The following OLFM1 variants were observed in gnomAD, a reference collection of about 807,000 sequenced individuals.
The protein encoded by OLFM1 is noelin.
In OLFM1, 9 loss-of-function variants were observed where a neutral mutation model predicts 49.7. That is an observed-to-expected ratio of 0.18 (90% confidence interval 0.11 to 0.32). The LOEUF (loss-of-function observed/expected upper bound fraction) is 0.32. OLFM1 is among the 10% of genes least tolerant of loss of function. The pLI is 1.00. For missense variants in OLFM1, 369 were observed against 661.8 expected, an observed-to-expected ratio of 0.56 and a Z score of 4.85; for synonymous variants, 240 against 271.8, an observed-to-expected ratio of 0.88 and a Z score of 1.15.
At chr9:135,094,132 C>T (rs73664050) in intron 2 of OLFM1, among the ~76,000 whole-genome samples, 1,599 of 152,062 alleles carry the variant, frequency 0.011, 27 homozygotes, top group African/African-American at 0.034. Flanking sequence ...TCTGGACTGG[C>T]GCCGCCATTT....
At chr9:135,102,572 A>T (rs1245351400) in intron 4 of OLFM1, among the ~76,000 whole-genome samples, 1 of 152,166 alleles carries the variant, frequency 6.6e-6, no homozygotes, top group Non-Finnish European at 1.5e-5. Context: ...CATGCGAGGA[A>T]GAGGGTCTGC....
chr9:135,119,697 A>C lies in OLFM1; in HGVS notation c.977A>C (p.Lys326Thr). ...QSHIIIRFDL[K>T]TETILKTRSL... ...CACATCATCATCAGGTTTGACCTGAAGACAGAGACCATCCTCAAGACCCGC... is the reference window on the plus strand; with the variant it reads ...CACATCATCATCAGGTTTGACCTGACGACAGAGACCATCCTCAAGACCCGC... Residue 326 changes from lysine to threonine, a missense_variant, in exon 6 of 6, where the codon AAG becomes ACG. By Grantham distance (78) the Lys-to-Thr change is moderately conservative. Around this residue, in one of 3 missense-constraint regions of OLFM1, gnomAD observed 294 missense variants for 567.5 expected, o/e 0.52. Transcript: ENST00000371793. 6.2e-7 allele frequency: 1 copy of C among 1,614,136 alleles called. No individual in the cohort carries two copies.
At position 135,106,756 on chromosome 9, in the gene OLFM1, G is replaced by T; in HGVS notation, c.684G>T (p.Gly228=). Residue 228 remains glycine, a synonymous_variant, in exon 5 of 6, where the codon GGG becomes GGT. Coordinates refer to ENST00000371793, the MANE Select transcript of OLFM1 (RefSeq NM_001282611.2). The stretch of plus-strand genomic sequence containing the variant: ...CTGCGTGCTCTTTTCCAGCTTGCGG[G>T]AAGTTGACGGGCATCAGTGACCCCG... ...LRACMQKLAC[G]KLTGISDPVT... 1 of 1,613,466 alleles carries T rather than the reference G, an allele frequency of 6.2e-7. No individual in the cohort carries two copies.
chr9:135,091,707 T>A (rs28528969), intron 2 of OLFM1, among the ~76,000 whole-genome samples: 34 of 3,050 alleles, frequency 0.011, no homozygotes, highest in East Asian at 0.02. Flanking sequence ...ACAGTCACAC[T>A]CACACATAGT....
intron 1 of OLFM1, chr9:135,077,072 AG>A (rs1554751425): frequency 7.1e-7 from 1 of 1,405,984 alleles, no homozygotes; most frequent in African/African-American, 3.1e-5. Context: ...CCTCTAGGAG[AG>A]GTTTTCTTGG....
intron 1 of OLFM1, chr9:135,075,847 C>T (rs771620713): frequency 4.5e-6 from 7 of 1,549,874 alleles, no homozygotes; most frequent in Admixed American, 1.9e-5. Context: ...GGCGCCCGGC[C>T]CGGCCCCTCG....
upstream of OLFM1, chr9:135,087,212 C>A (rs181322204): frequency 8.8e-4 from 1,232 of 1,398,164 alleles, 8 homozygotes; most frequent in African/African-American, 0.016. Flanking sequence ...TCGGAGCCTG[C>A]CCTGCCTGCT....
intron 4 of OLFM1, among the ~76,000 whole-genome samples, chr9:135,105,196 C>T (rs546674537): frequency 9.2e-5 from 14 of 152,310 alleles, no homozygotes; most frequent in South Asian, 2.1e-4. Context: ...TGGGGAACTA[C>T]GCACGGAGGA....
chr9:135,092,101 T>G (rs1564271452), intron 2 of OLFM1, among the ~76,000 whole-genome samples: 1 of 152,260 alleles, frequency 6.6e-6, no homozygotes, highest in East Asian at 1.9e-4. Context: ...CCCACCTCGT[T>G]GGGGAAGGTG....
At chr9:135,109,732 A>G (rs1301806459) in intron 5 of OLFM1, among the ~76,000 whole-genome samples, 1 of 152,058 alleles carries the variant, frequency 6.6e-6, no homozygotes, top group Non-Finnish European at 1.5e-5. Context: ...AAAAAGAAAA[A>G]GAAATCAATG....
rs7849362 is a variant in OLFM1 at position 135,090,057 on chromosome 9, A to G, written c.151-138A>G. 1.1e-3 allele frequency: 910 copies of G among 792,978 alleles called. 9 individuals are homozygous for G. The African/African-American group carries it at 0.014, about 12-fold the overall frequency. The allele number at this position is 792,978 out of a possible 1,614,324, so 49.1% of individuals were successfully genotyped here. A position where few individuals can be genotyped will look rare whatever the true frequency, so the allele number is the denominator to read the frequency against. On this transcript the variant is annotated intron_variant, in intron 1 of 5. Transcript: ENST00000371793. ...ACCCTTTCTTCCCTTTGGGTCAAAC[A>G]TGTCTTGGGACCATTTCCTCCCATC...
chr9:135,107,022 G>A (rs1185384010), intron 5 of OLFM1, among the ~76,000 whole-genome samples, 167 bp downstream of exon 5: 1 of 151,894 alleles, frequency 6.6e-6, no homozygotes, highest in Non-Finnish European at 1.5e-5. Context: ...GAGGGACCCA[G>A]GCCTCTATGC....
intron 4 of OLFM1, chr9:135,105,531 G>A (rs1336537041): frequency 6.6e-6 from 1 of 152,306 alleles, no homozygotes; most frequent in Non-Finnish European, 1.5e-5. Flanking sequence ...GACCCGCGCT[G>A]AGCATGGGAG....
intron 1 of OLFM1, chr9:135,076,192 A>G (rs1306524337): frequency 1.3e-6 from 2 of 1,550,416 alleles, no homozygotes; most frequent in Non-Finnish European, 1.7e-6. Context: ...AGGTGGCGGG[A>G]CCTTAGTCCT....
At chr9:135,114,123 CTTTTTTTTTT>C (rs138372395) in intron 5 of OLFM1, among the ~76,000 whole-genome samples, 6 of 75,812 alleles carry the variant, frequency 7.9e-5, no homozygotes, top group Admixed American at 1.7e-4. Context: ...TCTTGAGATT[CTTTTTTTTTT>C]TTTTTTTTTT....
At chr9:135,076,736 G>A (rs751879006) in intron 1 of OLFM1, 82 of 1,453,660 alleles carry the variant, frequency 5.6e-5, no homozygotes, top group Middle Eastern at 2.4e-4. Context: ...GAAGTGATGG[G>A]CAGCCAGTAC....
At chr9:135,075,910 C>G (rs930504759) in intron 1 of OLFM1, 8 of 1,302,094 alleles carry the variant, frequency 6.1e-6, no homozygotes, top group Non-Finnish European at 7.9e-6. Context: ...CCCGCGCCCC[C>G]GGCCTGGGCG....
chr9:135,118,318 A>G (rs1012602759), intron 5 of OLFM1, among the ~76,000 whole-genome samples: 1 of 147,222 alleles, frequency 6.8e-6, no homozygotes, highest in Non-Finnish European at 1.5e-5. Flanking sequence ...AGGTCTTTGG[A>G]AGTGCTCACT....
intron 1 of OLFM1, among the ~76,000 whole-genome samples, chr9:135,078,556 C>T (rs1830496084): frequency 6.6e-6 from 1 of 152,256 alleles, no homozygotes; most frequent in Admixed American, 6.5e-5. Flanking sequence ...TGTCCTCAGA[C>T]AGAAAGACAT....
Sources: allele counts gnomAD v4.1 joint callset (sites outside exome capture counted in the v4.1 genomes callset), GRCh38; gene constraint gnomAD v4.1.1; regional missense constraint gnomAD v4.1.1; transcripts MANE v1.5; gene names NCBI Gene and HGNC (gene_info 2026-07-23, HGNC 2026-07-21).